BBS9: variants seen among roughly 807,000 people sequenced by gnomAD.
BBS9 encodes Bardet-Biedl syndrome 9.
BBS9 carries 89 observed loss-of-function variants against 117.7 expected under a neutral mutation model. The ratio of observed to expected loss-of-function variants is 0.76; its 90% CI spans 0.64 to 0.90. The LOEUF (loss-of-function observed/expected upper bound fraction) is 0.90. Among genes scored for constraint, BBS9 ranks in the 40% least tolerant of loss-of-function variants. The pLI, the probability that BBS9 is intolerant of heterozygous loss-of-function variation, is 0.00. For missense variants in BBS9, 982 were observed against 1,042.2 expected (o/e 0.94, Z 0.80); for synonymous variants, 379 against 370.9 (o/e 1.02, Z -0.25).
In BBS9 at chr7:33,618,686, T is replaced by C. The variant is rs1001543184; in HGVS notation, c.2522-16491T>C. ...GCCGGGCAATATATCAAGACCCCCA[T>C]CTATTTTTTTAAAATGTAAATTATG... On this transcript the variant is annotated intron_variant, in intron 21 of 21. Coordinates refer to the BBS9 transcript ENST00000671952. Among the ~76,000 whole-genome samples the C allele has an allele frequency of 1.5e-4, 23 of 152,092 alleles. No individual in the cohort carries two copies. The East Asian group carries it at 4.2e-3, about 28-fold the overall frequency.
intron 18 of BBS9, among the ~76,000 whole-genome samples, chr7:33,384,361 T>G (rs983482400): frequency 6.6e-6 from 1 of 152,322 alleles, no homozygotes; most frequent in Non-Finnish European, 1.5e-5. Context: ...TAACAGTAAC[T>G]TTGTTGCTCT....
intron 9 of BBS9, among the ~76,000 whole-genome samples, chr7:33,320,297 A>G (rs1562991026): frequency 6.6e-6 from 1 of 152,078 alleles, no homozygotes. Context: ...CATGAATTCA[A>G]TCGTTTTAAT....
chr7:33,577,302 T>A (rs987256389), intron 21 of BBS9, among the ~76,000 whole-genome samples: 2 of 152,082 alleles, frequency 1.3e-5, no homozygotes, highest in African/African-American at 4.8e-5. Context: ...CATGAAAAAA[T>A]GCTCATCATC....
rs1173871381 is a variant in BBS9, at chr7:33,307,402, A to G, written c.1017-29039A>G. 5.9e-5 allele frequency among the ~76,000 whole-genome samples: 9 copies of G among 152,222 alleles called. 1 individual carries two copies. In the Middle Eastern group the frequency reaches 0.017, roughly 292 times the overall value. On this transcript the variant is annotated intron_variant, in intron 9 of 22. Coordinates refer to ENST00000242067, the MANE Select transcript of BBS9 (RefSeq NM_198428.3). ...GATGGTTTATCATAAACCATCTAGA[A>G]TTTCAAAAAAGTTTCTTATTAGCAG...
intron 5 of BBS9, among the ~76,000 whole-genome samples, chr7:33,246,598 A>G (rs1197340021): frequency 6.6e-6 from 1 of 151,970 alleles, no homozygotes; most frequent in Non-Finnish European, 1.5e-5. Context: ...TTAGTTTGAA[A>G]CTGGTTATAT....
intron 21 of BBS9, among the ~76,000 whole-genome samples, chr7:33,559,291 T>TA: frequency 6.6e-6 from 1 of 152,324 alleles, no homozygotes; most frequent in African/African-American, 2.4e-5. Flanking sequence ...TTGATGAAGA[T>TA]AAAGTGGAAC....
chr7:33,215,117 G>T (rs936480476), intron 5 of BBS9, among the ~76,000 whole-genome samples: 4 of 152,198 alleles, frequency 2.6e-5, no homozygotes, highest in African/African-American at 9.7e-5. Context: ...GTGTGAACCC[G>T]AGAGGCAGAG....
At chr7:33,166,651 G>A (rs574929506) in intron 4 of BBS9, among the ~76,000 whole-genome samples, 12 of 152,348 alleles carry the variant, frequency 7.9e-5, no homozygotes, top group Non-Finnish European at 1.6e-4. Context: ...CTCCATGGGC[G>A]TGGGACCCAC....
chr7:33,273,776 T>C (rs1800238255), intron 8 of BBS9, 51 bp from the exon 9 acceptor site: 2 of 1,559,190 alleles, frequency 1.3e-6, no homozygotes, highest in Middle Eastern at 1.7e-4. Flanking sequence ...AGATATACTT[T>C]TCCAAATGAC....
chr7:33,570,696 G>C (rs756460998), intron 21 of BBS9, among the ~76,000 whole-genome samples: 1 of 152,170 alleles, frequency 6.6e-6, no homozygotes, highest in Non-Finnish European at 1.5e-5. Context: ...TTAACCAAAT[G>C]ATCACAGTGT....
chr7:33,479,651 T>G (rs1842261205), intron 19 of BBS9, among the ~76,000 whole-genome samples: 1 of 152,210 alleles, frequency 6.6e-6, no homozygotes, highest in East Asian at 1.9e-4. Context: ...TGAATGGTAG[T>G]TCAACTCTCA....
At chr7:33,305,959 G>A (rs969546686) in intron 9 of BBS9, among the ~76,000 whole-genome samples, 1 of 151,952 alleles carries the variant, frequency 6.6e-6, no homozygotes, top group African/African-American at 2.4e-5. Context: ...GGTTTGGTTT[G>A]CTCTTGCTTT....
chr7:33,579,992 T>C (rs2129156744), intron 21 of BBS9, among the ~76,000 whole-genome samples: 1 of 152,264 alleles, frequency 6.6e-6, no homozygotes, highest in Non-Finnish European at 1.5e-5. Flanking sequence ...TTATTAGCTG[T>C]TTTAAAACCA....
At position 33,257,359 on chromosome 7, in the gene BBS9, G is replaced by A. The variant is rs547643751; in HGVS notation, c.566G>A (p.Arg189His). The part of the protein sequence containing the change: ...LLPGPLAYSS[R>H]TDSFLTVSSC... ...CCTGGTCCTCTTGCCTACAGTTCCC[G>A]TACAGATTCCTTCCTTACTGTCTCT... Residue 189 changes from arginine to histidine, a missense_variant, in exon 6 of 23, where the codon CGT becomes CAT. Coordinates refer to ENST00000242067, the MANE Select transcript of BBS9 (RefSeq NM_198428.3). 81 of 1,613,846 alleles carry A rather than the reference G, an allele frequency of 5.0e-5. No individual in the cohort carries two copies. The highest frequency in any genetic ancestry group is 2.2e-4 in the East Asian group (10 of 44,850).
chr7:33,474,013 A>C (rs1584952043), intron 19 of BBS9, among the ~76,000 whole-genome samples: 1 of 152,242 alleles, frequency 6.6e-6, no homozygotes, highest in Non-Finnish European at 1.5e-5. Context: ...GATTTTAAAT[A>C]TCTATTTGGA....
chr7:33,527,168 A>C (rs1435487579), intron 20 of BBS9, among the ~76,000 whole-genome samples: 1 of 152,106 alleles, frequency 6.6e-6, no homozygotes. Context: ...AGACAGGGAC[A>C]TTTAAGTCTG....
chr7:33,173,452 G>T (rs966013434), intron 4 of BBS9, among the ~76,000 whole-genome samples: 3 of 151,716 alleles, frequency 2.0e-5, no homozygotes, highest in African/African-American at 7.3e-5. Flanking sequence ...GTGGTGGCAG[G>T]TCCCAGCTAC....
intron 5 of BBS9, among the ~76,000 whole-genome samples, chr7:33,191,450 CTG>C (rs1371206811): frequency 3.3e-5 from 5 of 152,160 alleles, no homozygotes; most frequent in African/African-American, 7.2e-5. Context: ...GGCCAAAAAA[CTG>C]TAAATATCCA....
At chr7:33,501,505 C>G (rs998050352) in intron 19 of BBS9, among the ~76,000 whole-genome samples, 3 of 152,186 alleles carry the variant, frequency 2.0e-5, no homozygotes, top group African/African-American at 4.8e-5. Context: ...GACGATGCTT[C>G]TGTCCGATTG....
Sources: allele counts gnomAD v4.1 joint callset (sites outside exome capture counted in the v4.1 genomes callset), GRCh38; gene constraint gnomAD v4.1.1; transcripts MANE v1.5; gene names NCBI Gene and HGNC (gene_info 2026-07-23, HGNC 2026-07-21).